CELSR1: variants seen among roughly 807,000 people sequenced by gnomAD.
CELSR1 encodes the protein adhesion G protein-coupled receptor C1.
Under a neutral mutation model 249.1 loss-of-function variants are expected in CELSR1, and 110 were observed. The ratio of observed to expected loss-of-function variants is 0.44; its 90% CI spans 0.38 to 0.52. The LOEUF is 0.52. Ranked by LOEUF, CELSR1 falls within the 20% of genes least tolerant of loss-of-function variation. The probability of loss-of-function intolerance (pLI) is 0.00; values close to 1 mark genes in which losing one functional copy is unlikely to be tolerated. For missense variants in CELSR1, 4,109 were observed against 4,296.4 expected (o/e 0.96, Z 1.22); for synonymous variants, 2,113 against 1,900.0 (o/e 1.11, Z -2.92).
Position 46,374,416 on chromosome 22 carries a change from G to A in CELSR1, c.7585-1359C>T, listed in dbSNP as rs566442536. ...CAGAAATAGAACAAAGACAAAAGCG[G>A]ATGCATAATAAATCATTTCAGCCTG... is the stretch of plus-strand genomic sequence containing the variant. On this transcript the variant is annotated intron_variant, in intron 24 of 34. Coordinates refer to ENST00000674500, the MANE Select transcript of CELSR1 (RefSeq NM_001378328.1). This position sits in a 1 kb window ranked among gnomAD's most constrained non-coding sequence, Gnocchi z 4.3. Among the ~76,000 whole-genome samples, 19 of 152,320 alleles carry A rather than the reference G, an allele frequency of 1.2e-4. No homozygotes were observed. Among genetic ancestry groups the A allele is most frequent in the African/African-American group, 3.4e-4 (14 of 41,552 alleles).
intron 26 of CELSR1, 144 bp downstream of exon 26, chr22:46,369,548 C>T (rs948203046): frequency 1.4e-5 from 10 of 699,276 alleles, no homozygotes; most frequent in Admixed American, 8.1e-5. Flanking sequence ...AGGGCCCTGG[C>T]GGCTTTGCTG....
intron 1 of CELSR1, among the ~76,000 whole-genome samples, chr22:46,515,831 G>T (rs1176521364): frequency 6.6e-6 from 1 of 152,228 alleles, no homozygotes; most frequent in African/African-American, 2.4e-5. Flanking sequence ...GCACTGACCA[G>T]CATCCACAGC....
At chr22:46,367,426 C>T (rs1438456774) in intron 28 of CELSR1, among the ~76,000 whole-genome samples, 2 of 152,232 alleles carry the variant, frequency 1.3e-5, no homozygotes, top group Non-Finnish European at 2.9e-5. Flanking sequence ...CCCACTGTGT[C>T]GTAAGTCCAC....
rs956120126 is a variant in CELSR1, at chr22:46,473,303, C to T, written c.3545-8958G>A. ...CCAGATTAACCTGAGGCCAAGTCCCCAGTGATGGTGGATGGGAGGGACAGA... is the reference window on the plus strand; with the variant it reads ...CCAGATTAACCTGAGGCCAAGTCCCTAGTGATGGTGGATGGGAGGGACAGA... On this transcript the variant is annotated intron_variant, in intron 1 of 34. Coordinates refer to ENST00000674500, the MANE Select transcript of CELSR1 (RefSeq NM_001378328.1). The surrounding 1 kb of genome is among the most constrained non-coding windows in gnomAD (Gnocchi z 6.6). Among the ~76,000 whole-genome samples the T allele has an allele frequency of 6.6e-6, 1 of 152,044 alleles. No homozygotes were observed. The highest frequency in any genetic ancestry group is 2.4e-5 in the African/African-American group (1 of 41,372).
In CELSR1 at chr22:46,366,498, G is replaced by C; in HGVS notation, c.8206-18C>G. 4 of 1,536,520 alleles carry C rather than the reference G, an allele frequency of 2.6e-6. No individual in the cohort carries two copies. Among genetic ancestry groups the C allele is most frequent in the Non-Finnish European group, 3.5e-6 (4 of 1,134,364 alleles). On this transcript the variant is annotated intron_variant, in intron 29 of 34. Coordinates refer to ENST00000674500, the MANE Select transcript of CELSR1 (RefSeq NM_001378328.1). ...AGGGAGCGCTGAAGGGAGGGGAGGG[G>C]CTGGTCACTGCCAAGTGGTGGCCAC... is the stretch of plus-strand genomic sequence containing the variant.
At chr22:46,419,773 C>T (rs1188720368) in intron 5 of CELSR1, among the ~76,000 whole-genome samples, 1 of 150,838 alleles carries the variant, frequency 6.6e-6, no homozygotes, top group Non-Finnish European at 1.5e-5. Context: ...TGCACACTCA[C>T]CACTCACACT....
intron 32 of CELSR1, 78 bp from the exon 33 acceptor site, chr22:46,364,814 G>A (rs1326890413): frequency 1.4e-6 from 2 of 1,381,802 alleles, no homozygotes; most frequent in Non-Finnish European, 2.0e-6. Flanking sequence ...GGGTCTGGTG[G>A]CTCTGACCCA....
chr22:46,481,783 TC>T, intron 1 of CELSR1: 1 of 366,318 alleles, frequency 2.7e-6, no homozygotes, highest in Non-Finnish European at 5.1e-6. Context: ...CTTTTCTAAA[TC>T]TTTTTTTTTT....
chr22:46,515,109 C>T (rs1439709346), intron 1 of CELSR1, among the ~76,000 whole-genome samples: 1 of 133,970 alleles, frequency 7.5e-6, no homozygotes, highest in East Asian at 2.4e-4. Flanking sequence ...CCCCCCTCAG[C>T]GTCCCAGCAG....
intron 25 of CELSR1, among the ~76,000 whole-genome samples, chr22:46,370,714 G>C (rs79752011): frequency 0.021 from 3,159 of 152,232 alleles, 118 homozygotes; most frequent in African/African-American, 0.072. Flanking sequence ...ACACCCTCCA[G>C]CACTTCCCAC....
At position 46,527,995 on chromosome 22, in the gene CELSR1, T is replaced by C. The variant is rs2878873; in HGVS notation, c.3544+5632A>G. Among the ~76,000 whole-genome samples, 102,062 of 151,500 alleles carry C rather than the reference T, an allele frequency of 0.67. 35,561 individuals are homozygous for C. The highest frequency in any genetic ancestry group is 0.87 in the African/African-American group (35,771 of 41,322). ...CTATAATCCCAGCTACTTGGGAAGC[T>C]GAGGCAGCTGAGGCAGGAGAATCAC... On this transcript the variant is annotated intron_variant, in intron 1 of 34. Transcript: ENST00000674500. This position sits in a 1 kb window ranked among gnomAD's most constrained non-coding sequence, Gnocchi z 5.5.
At position 46,395,532 on chromosome 22, in the gene CELSR1, C is replaced by T. The variant is rs879560250; in HGVS notation, c.5843+1073G>A. 2.0e-5 allele frequency among the ~76,000 whole-genome samples: 3 copies of T among 152,296 alleles called. No homozygotes were observed. Among genetic ancestry groups the T allele is most frequent in the East Asian group, 3.9e-4 (2 of 5,174 alleles). On this transcript the variant is annotated intron_variant, in intron 13 of 34. Transcript: ENST00000674500. The surrounding 1 kb of genome is among the most constrained non-coding windows in gnomAD (Gnocchi z 5.5). ...CCTCTCCACTCCCAGGGCACCTCCGCGGCGCTCTCCCTGGCATCACATCTT... is the reference window on the plus strand; with the variant it reads ...CCTCTCCACTCCCAGGGCACCTCCGTGGCGCTCTCCCTGGCATCACATCTT...
chr22:46,467,800 C>T (rs5768795), intron 1 of CELSR1, among the ~76,000 whole-genome samples: 58,833 of 151,458 alleles, frequency 0.39, 12,120 homozygotes, highest in South Asian at 0.53. Flanking sequence ...CCAGCCTGGG[C>T]GACAGAGTGA....
chr22:46,496,742 T>C (rs2080418003), intron 1 of CELSR1, among the ~76,000 whole-genome samples: 1 of 152,038 alleles, frequency 6.6e-6, no homozygotes, highest in Non-Finnish European at 1.5e-5. Context: ...TCTTGTCCCA[T>C]CGGGAAGTCT....
In CELSR1 at chr22:46,468,981, C is replaced by T. The variant is rs2080126639; in HGVS notation, c.3545-4636G>A. On this transcript the variant is annotated intron_variant, in intron 1 of 34. Transcript: ENST00000674500. The surrounding 1 kb of genome is among the most constrained non-coding windows in gnomAD (Gnocchi z 4.5). ...GTCTCAGCTACTCGGAAGGCTGAGG[C>T]TTGAGAATCGCTTGAACCTGGGAGG... 6.6e-6 allele frequency among the ~76,000 whole-genome samples: 1 copy of T among 152,086 alleles called. No homozygotes were observed. Among genetic ancestry groups the T allele is most frequent in the Non-Finnish European group, 1.5e-5 (1 of 68,014 alleles).
chr22:46,388,127 T>C (rs2079051063), intron 18 of CELSR1, among the ~76,000 whole-genome samples: 1 of 152,044 alleles, frequency 6.6e-6, no homozygotes, highest in Non-Finnish European at 1.5e-5. Context: ...AGCGGGTGGA[T>C]CACCTGAGGT....
intron 2 of CELSR1, among the ~76,000 whole-genome samples, chr22:46,444,604 T>C (rs762262308): frequency 3.3e-5 from 5 of 152,268 alleles, no homozygotes; most frequent in African/African-American, 7.2e-5. Flanking sequence ...TGCGGAGTTG[T>C]ATTTGCTTTG....
At chr22:46,509,774 G>A (rs1385892088) in intron 1 of CELSR1, among the ~76,000 whole-genome samples, 2 of 152,158 alleles carry the variant, frequency 1.3e-5, no homozygotes, top group East Asian at 3.9e-4. Context: ...GTTTCACGAG[G>A]GGATGGCTGT....
intron 30 of CELSR1, among the ~76,000 whole-genome samples, 189 bp downstream of exon 30, chr22:46,366,197 G>A (rs997737688): frequency 5.0e-4 from 38 of 75,496 alleles, no homozygotes; most frequent in Non-Finnish European, 4.7e-4. Context: ...TGCAGGGGAA[G>A]GGAAGGTGCG....
Sources: allele counts gnomAD v4.1 joint callset (sites outside exome capture counted in the v4.1 genomes callset), GRCh38; gene constraint gnomAD v4.1.1; non-coding constraint Gnocchi (gnomAD v3.1); transcripts MANE v1.5; gene names NCBI Gene and HGNC (gene_info 2026-07-23, HGNC 2026-07-21).